Variants in SDK2 observed in about 807,000 individuals in gnomAD.
SDK2 encodes the protein sidekick cell adhesion molecule 2, also known as protein sidekick-2.
Under a neutral mutation model 253.9 loss-of-function variants are expected in SDK2, and 105 were observed. The observed-to-expected ratio is 0.41, with a 90% CI of 0.35 to 0.49. The LOEUF is 0.49. SDK2 is among the 20% of genes least tolerant of loss of function. The pLI, the probability that SDK2 is intolerant of heterozygous loss-of-function variation, is 0.06. For missense variants in SDK2, 2,608 were observed against 3,003.0 expected (o/e 0.87, Z 3.07); for synonymous variants, 1,249 against 1,234.9 (o/e 1.01, Z -0.24).
intron 2 of SDK2, among the ~76,000 whole-genome samples, chr17:73,485,263 G>A (rs576867777): frequency 2.6e-5 from 4 of 152,300 alleles, no homozygotes; most frequent in African/African-American, 9.6e-5. Flanking sequence ...GTAAGTGCAG[G>A]TGCTGATGGA....
chr17:73,591,199 T>A (rs369844583), intron 1 of SDK2, among the ~76,000 whole-genome samples: 1 of 152,328 alleles, frequency 6.6e-6, no homozygotes, highest in African/African-American at 2.4e-5. Flanking sequence ...ATTACAGGTG[T>A]GAGCCACCGC....
At chr17:73,453,703 A>G (rs1359057503) in intron 4 of SDK2, among the ~76,000 whole-genome samples, 5 of 152,264 alleles carry the variant, frequency 3.3e-5, no homozygotes, top group Non-Finnish European at 5.9e-5. Context: ...TACGCAGCAT[A>G]TCTGTGGCTG....
chr17:73,527,644 A>G (rs978278247), intron 1 of SDK2, among the ~76,000 whole-genome samples: 3 of 152,194 alleles, frequency 2.0e-5, no homozygotes, highest in Admixed American at 2.0e-4. Flanking sequence ...CTGAAGTGAC[A>G]TTGCCAGCCT....
Position 73,347,231 on chromosome 17 carries a change from A to T in SDK2, c.6165+1368T>A, listed in dbSNP as rs184838697. 6.6e-3 allele frequency among the ~76,000 whole-genome samples: 1,009 copies of T among 152,302 alleles called. 7 individuals carry two copies. Among genetic ancestry groups the T allele is most frequent in the Non-Finnish European group, 0.012 (805 of 68,032 alleles). On this transcript the variant is annotated intron_variant, in intron 44 of 44. Coordinates refer to ENST00000392650, the MANE Select transcript of SDK2 (RefSeq NM_001144952.2). ...AAAAATTAGTGAGGGGTGGTGGCAC[A>T]TGCCTGTAATCCCAGCTACTCTGGA...
chr17:73,442,621 G>A (rs1316455082), intron 5 of SDK2, among the ~76,000 whole-genome samples: 2 of 152,156 alleles, frequency 1.3e-5, no homozygotes, highest in Non-Finnish European at 2.9e-5. Flanking sequence ...GATTATGGGT[G>A]TGAGCCACCA....
chr17:73,495,375 T>G (rs935463181), intron 2 of SDK2, among the ~76,000 whole-genome samples: 1 of 152,168 alleles, frequency 6.6e-6, no homozygotes, highest in African/African-American at 2.4e-5. Context: ...TCTATTGGGA[T>G]CTAGGGGTTA....
intron 36 of SDK2, 144 bp from the exon 37 acceptor site, chr17:73,368,737 C>A: frequency 1.5e-6 from 1 of 679,054 alleles, no homozygotes; most frequent in Non-Finnish European, 2.3e-6. Flanking sequence ...AGGCCGGGTG[C>A]GGTGGCTCAC....
chr17:73,414,639 T>A lies in SDK2; in HGVS notation c.2484+5A>T. ...TCCTCTTGGGTGAGGAGATGCCTCA[T>A]GTACCTTGTAGCCCTGGTTGATGCC... is the stretch of plus-strand genomic sequence containing the variant. On this transcript the variant is annotated splice_donor_5th_base_variant and intron_variant, in intron 18 of 44. Coordinates refer to ENST00000392650, the MANE Select transcript of SDK2 (RefSeq NM_001144952.2). The A allele has an allele frequency of 6.2e-7, 1 of 1,610,342 alleles. No homozygotes were observed. Among genetic ancestry groups the A allele is most frequent in the Non-Finnish European group, 8.5e-7 (1 of 1,176,634 alleles).
rs572607552 is a variant in SDK2, at chr17:73,434,011, C to T, written c.1196-163G>A. 3.5e-4 allele frequency among the ~76,000 whole-genome samples: 54 copies of T among 152,310 alleles called. 1 individual carries two copies. In the South Asian group the frequency reaches 0.011, roughly 30 times the overall value. On this transcript the variant is annotated intron_variant, in intron 9 of 44. Coordinates refer to ENST00000392650, the MANE Select transcript of SDK2 (RefSeq NM_001144952.2). ...GGATGTAGGCATCTTGATGGAGCCCCAGTGTTTGGAAGAAGCCCGGAGGGG... is the reference window on the plus strand; with the variant it reads ...GGATGTAGGCATCTTGATGGAGCCCTAGTGTTTGGAAGAAGCCCGGAGGGG...
chr17:73,607,174 C>T (rs1372472354), intron 1 of SDK2, among the ~76,000 whole-genome samples: 1 of 152,182 alleles, frequency 6.6e-6, no homozygotes, highest in Non-Finnish European at 1.5e-5. Context: ...AACAAGTGGT[C>T]AAGAGGACTT....
chr17:73,415,766 C>G (rs759768643), intron 17 of SDK2, 45 bp downstream of exon 17: 1 of 1,506,134 alleles, frequency 6.6e-7, no homozygotes, highest in East Asian at 2.5e-5. Flanking sequence ...TAGGATTACA[C>G]GCATGAGCCA....
At chr17:73,388,071 T>C (rs150971656) in intron 29 of SDK2, 34 bp from the exon 30 acceptor site, 30 of 1,500,108 alleles carry the variant, frequency 2.0e-5, no homozygotes, top group Admixed American at 3.9e-5. Context: ...AGCAGGTGAG[T>C]GGGCCAGGCC....
At chr17:73,456,211 T>C (rs2063525126) in intron 3 of SDK2, among the ~76,000 whole-genome samples, 158 bp from the exon 4 acceptor site, 1 of 152,182 alleles carries the variant, frequency 6.6e-6, no homozygotes, top group African/African-American at 2.4e-5. Flanking sequence ...CCCCATTCTC[T>C]GCCTCACCAC....
chr17:73,459,412 C>T (rs931302723), intron 3 of SDK2, among the ~76,000 whole-genome samples: 1 of 152,212 alleles, frequency 6.6e-6, no homozygotes. Context: ...TTAATGCCCA[C>T]ACCACGTCCT....
Position 73,559,479 on chromosome 17 carries a change from C to T in SDK2, c.65-51882G>A, listed in dbSNP as rs71380184. 1.7e-3 allele frequency among the ~76,000 whole-genome samples: 264 copies of T among 152,234 alleles called. 1 individual carries two copies. Among genetic ancestry groups the T allele is most frequent in the African/African-American group, 3.9e-3 (162 of 41,520 alleles). ...GGCTCTTGAGAATGAGAACTCTCTG[C>T]CAACGTGGAGAATGAGAGGGGCAGA... On this transcript the variant is annotated intron_variant, in intron 1 of 44. Transcript: ENST00000392650.
intron 32 of SDK2, among the ~76,000 whole-genome samples, chr17:73,384,457 C>T (rs1599507039): frequency 6.6e-6 from 1 of 152,330 alleles, no homozygotes. Context: ...TTCCTGCAAG[C>T]TGAGCCCTCT....
At chr17:73,372,831 C>T (rs1005400964) in intron 36 of SDK2, among the ~76,000 whole-genome samples, 6 of 152,186 alleles carry the variant, frequency 3.9e-5, no homozygotes, top group African/African-American at 7.2e-5. Flanking sequence ...TTCTGATATA[C>T]ACATGCATTA....
At position 73,643,399 on chromosome 17, in the gene SDK2, C is replaced by T. The variant is rs957391700; in HGVS notation, c.64+626G>A. ...CAGACCCTCCCTGTGCACCACCCCC[C>T]GGTGGGTCCGCGGCTGCACCCGCGA... On this transcript the variant is annotated intron_variant, in intron 1 of 44. Transcript: ENST00000392650. The surrounding 1 kb of genome is among the most constrained non-coding windows in gnomAD (Gnocchi z 6.9). Among the ~76,000 whole-genome samples the T allele has an allele frequency of 6.6e-6, 1 of 152,080 alleles. No homozygotes were observed. Among genetic ancestry groups the T allele is most frequent in the African/African-American group, 2.4e-5 (1 of 41,436 alleles).
intron 2 of SDK2, among the ~76,000 whole-genome samples, chr17:73,483,661 G>GTATATATATATATATTTATATA (rs2063747286): frequency 2.8e-5 from 2 of 70,192 alleles, no homozygotes; most frequent in African/African-American, 1.2e-4. Flanking sequence ...GTGTGTGTGT[G>GTATATATATATATATTTATATA]TATATATATA....
Sources: gnomAD v4.1 joint callset for allele counts (sites outside exome capture counted in the v4.1 genomes callset) on GRCh38, gnomAD v4.1.1 for gene constraint, Gnocchi (gnomAD v3.1) non-coding constraint, MANE v1.5 for transcripts, NCBI Gene and HGNC (gene_info 2026-07-23, HGNC 2026-07-21) for gene names.